Variants in DISC1 observed in about 807,000 individuals in gnomAD.
The protein encoded by DISC1 is disrupted in schizophrenia 1 protein.
Under a neutral mutation model 84.5 loss-of-function variants are expected in DISC1, and 57 were observed. The observed-to-expected ratio is 0.67, with a 90% CI of 0.55 to 0.84. DISC1 has a LOEUF of 0.84. Ranked by LOEUF, DISC1 falls within the 40% of genes least tolerant of loss-of-function variation. DISC1 has a pLI of 0.00. For missense variants in DISC1, 1,000 were observed against 1,057.8 expected (o/e 0.95, Z 0.76); for synonymous variants, 411 against 415.2 (o/e 0.99, Z 0.12).
rs5781677 is a variant in DISC1 at position 231,906,019 on chromosome 1, C to CTTT, written c.1982-52790_1982-52788dup. Among the ~76,000 whole-genome samples the CTTT allele has an allele frequency of 3.1e-4, 24 of 76,974 alleles. 1 individual carries two copies. Among genetic ancestry groups the CTTT allele is most frequent in the East Asian group, 9.4e-4 (2 of 2,132 alleles). 50.5% of individuals were successfully genotyped at this position (76,974 alleles called of 152,430 possible). On this transcript the variant is annotated intron_variant, in intron 9 of 12. Transcript: ENST00000439617. ...TAAAATGAATTCGCTGAGGTCATGGCTTTTTTTTTTTTTTTTTTTTTGAGA... is the reference window on the plus strand; with the variant it reads ...TAAAATGAATTCGCTGAGGTCATGGCTTTTTTTTTTTTTTTTTTTTTTTTGAGA...
intron 4 of DISC1, among the ~76,000 whole-genome samples, chr1:231,755,353 A>T (rs557315808): frequency 8.6e-5 from 13 of 150,964 alleles, no homozygotes; most frequent in East Asian, 2.0e-4. Flanking sequence ...TTTCTCTTTA[A>T]TATTGTTGTT....
At chr1:231,986,287 T>A (rs1664426697) in intron 10 of DISC1, among the ~76,000 whole-genome samples, 2 of 152,192 alleles carry the variant, frequency 1.3e-5, no homozygotes, top group Non-Finnish European at 2.9e-5. Context: ...CATGTTTATG[T>A]GGACTTAGAG....
intron 9 of DISC1, among the ~76,000 whole-genome samples, chr1:231,948,013 G>A (rs993338764): frequency 6.6e-6 from 1 of 152,172 alleles, no homozygotes; most frequent in Non-Finnish European, 1.5e-5. Context: ...GTTGGTGGGA[G>A]TGTAAATTAA....
intron 3 of DISC1, among the ~76,000 whole-genome samples, chr1:231,749,441 A>G (rs1239865872): frequency 6.6e-6 from 1 of 152,242 alleles, no homozygotes; most frequent in Non-Finnish European, 1.5e-5. Context: ...ATAGTCATCT[A>G]TAGCATGGTA....
intron 12 of DISC1, among the ~76,000 whole-genome samples, chr1:232,028,186 T>C (rs985492549): frequency 3.3e-5 from 5 of 152,010 alleles, no homozygotes; most frequent in Non-Finnish European, 1.5e-5. Context: ...TGTAAGGGGG[T>C]ATGGCTTCCA....
intron 9 of DISC1, among the ~76,000 whole-genome samples, chr1:231,832,584 A>G (rs2082317901): frequency 6.6e-6 from 1 of 151,548 alleles, no homozygotes; most frequent in East Asian, 2.0e-4. Context: ...CTGTGGCAGT[A>G]CAGCCCAGGT....
intron 9 of DISC1, among the ~76,000 whole-genome samples, chr1:231,875,135 A>G (rs1311734678): frequency 2.0e-5 from 3 of 152,108 alleles, no homozygotes; most frequent in Non-Finnish European, 2.9e-5. Context: ...ATCAATCTCT[A>G]TCTTTGTAAA....
intron 6 of DISC1, among the ~76,000 whole-genome samples, chr1:231,773,453 C>G (rs188630991): frequency 4.0e-4 from 61 of 152,262 alleles, no homozygotes; most frequent in Non-Finnish European, 6.6e-4. Context: ...GGTGCGATCT[C>G]GGCTCACTGC....
intron 9 of DISC1, among the ~76,000 whole-genome samples, chr1:231,819,429 T>G (rs953698160): frequency 1.3e-5 from 2 of 152,204 alleles, no homozygotes; most frequent in Non-Finnish European, 2.9e-5. Flanking sequence ...GAATAAATTT[T>G]CTTTTAAAAT....
intron 10 of DISC1, among the ~76,000 whole-genome samples, chr1:231,976,334 C>A (rs1018985892): frequency 6.6e-6 from 1 of 152,186 alleles, no homozygotes; most frequent in African/African-American, 2.4e-5. Flanking sequence ...GCTAGGGATC[C>A]TGTTGCCACC....
At chr1:231,891,103 T>C (rs1558697765) in intron 9 of DISC1, among the ~76,000 whole-genome samples, 1 of 152,160 alleles carries the variant, frequency 6.6e-6, no homozygotes, top group Non-Finnish European at 1.5e-5. Context: ...CCTTCTACTG[T>C]TTACAACAGG....
At chr1:232,020,611 A>G (rs1178519848) in intron 11 of DISC1, among the ~76,000 whole-genome samples, 2 of 152,186 alleles carry the variant, frequency 1.3e-5, no homozygotes, top group African/African-American at 4.8e-5. Context: ...TTATAACCCA[A>G]GGCAGAGCCT....
intron 12 of DISC1, among the ~76,000 whole-genome samples, chr1:232,035,165 G>A (rs1244270525): frequency 6.6e-6 from 1 of 152,124 alleles, no homozygotes; most frequent in African/African-American, 2.4e-5. Context: ...AAAAAAGAAA[G>A]GAGGCTGGGC....
intron 9 of DISC1, among the ~76,000 whole-genome samples, chr1:231,836,737 T>TG (rs2082655938): frequency 6.6e-6 from 1 of 152,166 alleles, no homozygotes. Context: ...ATTCCTTCCA[T>TG]GCCTAATCAG....
chr1:231,751,282 G>A (rs1206458405), intron 4 of DISC1, among the ~76,000 whole-genome samples: 1 of 151,904 alleles, frequency 6.6e-6, no homozygotes, highest in Non-Finnish European at 1.5e-5. Flanking sequence ...TCCAGTCTTG[G>A]GAAAATTTTA....
At chr1:232,012,749 G>A (rs1277307991) in intron 11 of DISC1, among the ~76,000 whole-genome samples, 1 of 152,168 alleles carries the variant, frequency 6.6e-6, no homozygotes, top group African/African-American at 2.4e-5. Flanking sequence ...TATCACAAGG[G>A]CTTTGTCGTT....
At chr1:231,866,779 A>G in intron 9 of DISC1, 14 of 1,189,550 alleles carry the variant, frequency 1.2e-5, no homozygotes, top group Non-Finnish European at 1.5e-5. Flanking sequence ...ACGAAAGGGT[A>G]TAATTAATCT....
intron 3 of DISC1, among the ~76,000 whole-genome samples, 168 bp from the exon 4 acceptor site, chr1:231,749,758 C>A (rs1009239673): frequency 1.3e-5 from 2 of 152,118 alleles, no homozygotes; most frequent in African/African-American, 4.8e-5. Context: ...AAAGAAGATT[C>A]TTAGAAGTAC....
chr1:231,673,273 A>T (rs1375001767), intron 1 of DISC1, among the ~76,000 whole-genome samples: 1 of 152,214 alleles, frequency 6.6e-6, no homozygotes, highest in African/African-American at 2.4e-5. Context: ...GGAGGTGGGA[A>T]AATGACTCAC....
Sources: gnomAD v4.1 joint callset for allele counts (sites outside exome capture counted in the v4.1 genomes callset) on GRCh38, gnomAD v4.1.1 for gene constraint, MANE v1.5 for transcripts, NCBI Gene and HGNC (gene_info 2026-07-23, HGNC 2026-07-21) for gene names.